Variants in ROBO1 observed in about 807,000 individuals in gnomAD.
ROBO1 encodes roundabout homolog 1.
ROBO1 carries 149 observed loss-of-function variants against 195.9 expected under a neutral mutation model. The observed-to-expected ratio is 0.76, with a 90% CI of 0.67 to 0.87. ROBO1 has a LOEUF of 0.87. Ranked by LOEUF, ROBO1 falls within the 40% of genes least tolerant of loss-of-function variation. The pLI is 0.00. For synonymous variants in ROBO1, 816 were observed against 733.2 expected (o/e 1.11, Z -1.82); for missense variants, 1,933 against 2,068.3 (o/e 0.93, Z 1.27).
intron 2 of ROBO1, among the ~76,000 whole-genome samples, chr3:79,128,749 T>C (rs1047060662): frequency 3.3e-5 from 5 of 152,192 alleles, no homozygotes; most frequent in African/African-American, 1.2e-4. Context: ...TTAGTGGCCA[T>C]TGGACCTTCA....
At chr3:79,208,330 A>G (rs1200885598) in intron 2 of ROBO1, among the ~76,000 whole-genome samples, 1 of 152,202 alleles carries the variant, frequency 6.6e-6, no homozygotes, top group Non-Finnish European at 1.5e-5. Context: ...TGTAAAAGTT[A>G]TTAATTTAAT....
chr3:78,971,798 C>A (rs2076774085), intron 3 of ROBO1, among the ~76,000 whole-genome samples: 1 of 152,112 alleles, frequency 6.6e-6, no homozygotes, highest in South Asian at 2.1e-4. Context: ...CAGAGTCTTG[C>A]ACTGTCACCC....
At chr3:78,915,455 G>A (rs985675067) in intron 4 of ROBO1, among the ~76,000 whole-genome samples, 1 of 152,014 alleles carries the variant, frequency 6.6e-6, no homozygotes, top group Non-Finnish European at 1.5e-5. Flanking sequence ...ATAATAAATA[G>A]AGCAGATTAA....
chr3:78,830,965 T>C (rs2032137440), intron 4 of ROBO1, among the ~76,000 whole-genome samples: 1 of 152,038 alleles, frequency 6.6e-6, no homozygotes, highest in African/African-American at 2.4e-5. Flanking sequence ...CAGGCTGGAG[T>C]GCAATGGCAG....
chr3:79,338,217 T>G (rs1250445705), intron 2 of ROBO1, among the ~76,000 whole-genome samples: 1 of 152,214 alleles, frequency 6.6e-6, no homozygotes. Flanking sequence ...GAACATTTAC[T>G]TATGAAATCC....
chr3:79,459,329 T>A (rs1260488144), intron 2 of ROBO1, among the ~76,000 whole-genome samples: 3 of 152,174 alleles, frequency 2.0e-5, no homozygotes, highest in Non-Finnish European at 4.4e-5. Flanking sequence ...AAATTAGTTA[T>A]TCTCTACAAA....
chr3:79,509,378 C>T (rs1940578093), intron 2 of ROBO1, among the ~76,000 whole-genome samples: 2 of 152,080 alleles, frequency 1.3e-5, no homozygotes, highest in South Asian at 4.1e-4. Flanking sequence ...ATGTTTACCT[C>T]AAACTTAAAG....
At chr3:79,193,581 CTTTTTTTTTT>C (rs869203963) in intron 2 of ROBO1, among the ~76,000 whole-genome samples, 3 of 85,626 alleles carry the variant, frequency 3.5e-5, no homozygotes, top group Non-Finnish European at 4.7e-5. Context: ...TGTGGTTTTG[CTTTTTTTTTT>C]TTTTTTTTTT....
chr3:78,772,886 C>T (rs987387214), intron 4 of ROBO1, among the ~76,000 whole-genome samples: 2 of 152,040 alleles, frequency 1.3e-5, no homozygotes, highest in Non-Finnish European at 2.9e-5. Context: ...TATGGGTGAA[C>T]CAGGATTCCA....
chr3:79,045,288 T>A (rs1036533940), intron 3 of ROBO1, among the ~76,000 whole-genome samples: 2 of 152,082 alleles, frequency 1.3e-5, no homozygotes, highest in Non-Finnish European at 2.9e-5. Flanking sequence ...AAAATGCGAA[T>A]GTATTTTTAG....
chr3:79,115,060 CT>C (rs973618722), intron 3 of ROBO1, among the ~76,000 whole-genome samples: 1 of 152,148 alleles, frequency 6.6e-6, no homozygotes, highest in Admixed American at 6.5e-5. Flanking sequence ...CATCTTCTAT[CT>C]TGTGACTTGG....
chr3:78,724,672 A>G (rs1170817278), intron 5 of ROBO1, among the ~76,000 whole-genome samples: 1 of 152,006 alleles, frequency 6.6e-6, no homozygotes, highest in East Asian at 1.9e-4. Context: ...ACAGAGTGAG[A>G]CTCTGTCACA....
chr3:79,493,532 AGTTTTT>A (rs1939575959), intron 2 of ROBO1, among the ~76,000 whole-genome samples: 2 of 151,896 alleles, frequency 1.3e-5, no homozygotes, highest in Non-Finnish European at 2.9e-5. Flanking sequence ...GACATTGACT[AGTTTTT>A]GTTTTGTTTT....
At chr3:79,683,730 A>G (rs541399109) in intron 1 of ROBO1, among the ~76,000 whole-genome samples, 51 of 152,092 alleles carry the variant, frequency 3.4e-4, no homozygotes, top group Admixed American at 2.3e-3. Flanking sequence ...TCCTTCTTTC[A>G]CTTAGCATGG....
chr3:79,762,612 A>C (rs1704767236), intron 1 of ROBO1, among the ~76,000 whole-genome samples: 1 of 146,920 alleles, frequency 6.8e-6, no homozygotes, highest in Non-Finnish European at 1.5e-5. Flanking sequence ...CTGGACAAAC[A>C]CACACACACA....
intron 2 of ROBO1, among the ~76,000 whole-genome samples, chr3:79,498,072 C>A (rs1057271831): frequency 1.3e-5 from 2 of 152,020 alleles, no homozygotes; most frequent in Non-Finnish European, 2.9e-5. Context: ...ATTAGAATGA[C>A]CAACACAGTA....
At chr3:78,708,285 C>T (rs1234276401) in intron 8 of ROBO1, among the ~76,000 whole-genome samples, 1 of 151,784 alleles carries the variant, frequency 6.6e-6, no homozygotes, top group Non-Finnish European at 1.5e-5. Context: ...GAAGAGCACT[C>T]CTCAAAAATG....
chr3:78,675,776 C>T (rs1473372453), intron 10 of ROBO1, among the ~76,000 whole-genome samples: 1 of 152,140 alleles, frequency 6.6e-6, no homozygotes, highest in African/African-American at 2.4e-5. Context: ...CAGCAGTAAC[C>T]TCTGCAGACT....
intron 2 of ROBO1, among the ~76,000 whole-genome samples, chr3:79,400,005 A>T (rs991665556): frequency 2.6e-5 from 4 of 152,120 alleles, no homozygotes; most frequent in Non-Finnish European, 5.9e-5. Context: ...TTGGGTGCAC[A>T]TTTACCTCTG....
Sources: gnomAD v4.1 joint callset for allele counts (sites outside exome capture counted in the v4.1 genomes callset) on GRCh38, gnomAD v4.1.1 for gene constraint, MANE v1.5 for transcripts, NCBI Gene and HGNC (gene_info 2026-07-23, HGNC 2026-07-21) for gene names.